The following ZBTB20 variants were observed in gnomAD, a reference collection of about 807,000 sequenced individuals.
ZBTB20 encodes zinc finger and BTB domain-containing protein 20.
Under a neutral mutation model 56.9 loss-of-function variants are expected in ZBTB20, and 9 were observed. The observed-to-expected ratio is 0.16, with a 90% confidence interval of 0.10 to 0.28. ZBTB20 has a LOEUF of 0.28. ZBTB20 is among the 10% of genes least tolerant of loss of function. The pLI is 1.00. For missense variants in ZBTB20, 655 were observed against 1,003.0 expected (o/e 0.65, Z 4.69); for synonymous variants, 417 against 420.7 (o/e 0.99, Z 0.11).
chr3:114,779,528 C>T (rs1194533407), intron 5 of ZBTB20, among the ~76,000 whole-genome samples: 2 of 152,076 alleles, frequency 1.3e-5, no homozygotes, highest in African/African-American at 4.8e-5. Flanking sequence ...GGTTTGTAAC[C>T]TTTGTGATAA....
chr3:115,095,678 T>C (rs1416468972), intron 1 of ZBTB20, among the ~76,000 whole-genome samples: 2 of 152,200 alleles, frequency 1.3e-5, no homozygotes, highest in East Asian at 1.9e-4. Context: ...ATAGATAGCA[T>C]ATTTCTTCCC....
intron 6 of ZBTB20, among the ~76,000 whole-genome samples, chr3:114,592,737 A>G (rs2055902438): frequency 6.6e-6 from 1 of 152,222 alleles, no homozygotes; most frequent in South Asian, 2.1e-4. Flanking sequence ...ACCTTCCACT[A>G]AAGAGATTAC....
At chr3:114,517,749 T>C (rs1483432557) in intron 6 of ZBTB20, among the ~76,000 whole-genome samples, 1 of 152,036 alleles carries the variant, frequency 6.6e-6, no homozygotes, top group Admixed American at 6.6e-5. Flanking sequence ...CTAATTTTTG[T>C]ATTTTTAGTA....
chr3:114,687,675 TA>T (rs1195181379), intron 6 of ZBTB20: 3 of 148,472 alleles, frequency 2.0e-5, no homozygotes, highest in South Asian at 2.1e-4. Context: ...TTTGTTGAAA[TA>T]ATAACAAATA....
At chr3:114,780,944 C>T (rs2070047649) in intron 5 of ZBTB20, among the ~76,000 whole-genome samples, 1 of 152,140 alleles carries the variant, frequency 6.6e-6, no homozygotes, top group African/African-American at 2.4e-5. Context: ...TATATTACCT[C>T]TCACTTCCCC....
In ZBTB20 at chr3:115,109,094, G is replaced by A. The variant is rs531471546; in HGVS notation, c.-702-37680C>T. Reference sequence around the variant, plus strand: ...AATATCTCCCTGGCTCCAGAACAACGTATTAGACACATATACTATATGAAC... The same window carrying A: ...AATATCTCCCTGGCTCCAGAACAACATATTAGACACATATACTATATGAAC... On this transcript the variant is annotated intron_variant, in intron 1 of 11. Transcript: ENST00000675478. 6.6e-5 allele frequency among the ~76,000 whole-genome samples: 10 copies of A among 152,172 alleles called. No homozygotes were observed. In the South Asian group the frequency reaches 8.3e-4, roughly 13 times the overall value.
At chr3:114,407,797 G>A (rs191184100) in intron 7 of ZBTB20, among the ~76,000 whole-genome samples, 271 of 152,070 alleles carry the variant, frequency 1.8e-3, no homozygotes, top group African/African-American at 6.3e-3. Flanking sequence ...GATAGGATAG[G>A]GATTGTATCG....
At chr3:114,766,136 A>C (rs1222880320) in intron 5 of ZBTB20, among the ~76,000 whole-genome samples, 4 of 152,192 alleles carry the variant, frequency 2.6e-5, no homozygotes, top group Non-Finnish European at 4.4e-5. Context: ...GCATTCATCC[A>C]GATGAGAAGT....
At chr3:114,829,990 G>A (rs185267072) in intron 4 of ZBTB20, among the ~76,000 whole-genome samples, 63 of 151,910 alleles carry the variant, frequency 4.1e-4, no homozygotes, top group Non-Finnish European at 7.1e-4. Flanking sequence ...AATGATCCTC[G>A]ATACAGTCTA....
rs1428822035 is a variant in ZBTB20 at position 114,339,634 on chromosome 3, C to T, written c.1805-208G>A. ...GAGAAATTTTGCTTTATGGTGATGC[C>T]AGGACAGTTTTGTTTTCCATTTCCC... On this transcript the variant is annotated intron_variant, in intron 11 of 11. Coordinates refer to ENST00000675478, the MANE Select transcript of ZBTB20 (RefSeq NM_001348800.3). This position sits in a 1 kb window ranked among gnomAD's most constrained non-coding sequence, Gnocchi z 4.2. 6.6e-5 allele frequency among the ~76,000 whole-genome samples: 10 copies of T among 152,172 alleles called. No homozygotes were observed. The highest frequency in any genetic ancestry group is 3.9e-4 in the Admixed American group (6 of 15,276).
intron 6 of ZBTB20, among the ~76,000 whole-genome samples, chr3:114,533,613 A>T (rs2048118934): frequency 6.6e-6 from 1 of 152,218 alleles, no homozygotes; most frequent in African/African-American, 2.4e-5. Context: ...ACAGGCCAAC[A>T]TTCAAATTCA....
chr3:114,714,799 G>A (rs2064347463), intron 5 of ZBTB20, among the ~76,000 whole-genome samples: 1 of 152,146 alleles, frequency 6.6e-6, no homozygotes, highest in Non-Finnish European at 1.5e-5. Context: ...TCTTCATTTT[G>A]AGCAGAGTTA....
At chr3:114,601,223 T>C (rs1471771111) in intron 6 of ZBTB20, among the ~76,000 whole-genome samples, 1 of 152,076 alleles carries the variant, frequency 6.6e-6, no homozygotes, top group Non-Finnish European at 1.5e-5. Context: ...TACACCCTTA[T>C]GATATAGCTT....
intron 5 of ZBTB20, among the ~76,000 whole-genome samples, chr3:114,776,895 T>A (rs1448695221): frequency 6.6e-6 from 1 of 152,216 alleles, no homozygotes. Context: ...ATTATGAATG[T>A]AAATGTTCTA....
chr3:114,920,835 C>A (rs1203242763), intron 3 of ZBTB20, among the ~76,000 whole-genome samples: 1 of 151,750 alleles, frequency 6.6e-6, no homozygotes, highest in African/African-American at 2.4e-5. Context: ...ACAGATAAAT[C>A]TTTAGCTAGA....
chr3:114,861,737 C>A (rs1214573330), intron 4 of ZBTB20: 1 of 151,884 alleles, frequency 6.6e-6, no homozygotes, highest in Non-Finnish European at 1.5e-5. Context: ...AAAACGAAAC[C>A]TCAGCCCTCC....
chr3:114,925,197 T>C (rs752606166), intron 3 of ZBTB20, among the ~76,000 whole-genome samples: 13 of 152,038 alleles, frequency 8.6e-5, no homozygotes, highest in Non-Finnish European at 1.8e-4. Flanking sequence ...TTAGCCAGGA[T>C]GGTCTCGATC....
At chr3:114,863,841 G>A (rs1223419622) in intron 4 of ZBTB20, among the ~76,000 whole-genome samples, 1 of 151,876 alleles carries the variant, frequency 6.6e-6, no homozygotes, top group African/African-American at 2.4e-5. Context: ...CACTCTATAA[G>A]AAAACCAAAG....
At chr3:114,420,021 G>T (rs1215726069) in intron 7 of ZBTB20, among the ~76,000 whole-genome samples, 3 of 152,126 alleles carry the variant, frequency 2.0e-5, no homozygotes, top group Non-Finnish European at 4.4e-5. Context: ...GTAATGAAAG[G>T]TAGGTCCCAA....
Sources: allele counts gnomAD v4.1 joint callset (sites outside exome capture counted in the v4.1 genomes callset), GRCh38; gene constraint gnomAD v4.1.1; non-coding constraint Gnocchi (gnomAD v3.1); transcripts MANE v1.5; gene names NCBI Gene and HGNC (gene_info 2026-07-23, HGNC 2026-07-21).